GATA4: variants seen among roughly 807,000 people sequenced by gnomAD.
GATA4 encodes transcription factor GATA-4.
In GATA4, 7 loss-of-function variants were observed where a neutral mutation model predicts 37.9. The observed-to-expected ratio is 0.18, with a 90% CI of 0.11 to 0.35. GATA4 has a LOEUF of 0.35. Among genes scored for constraint, GATA4 ranks in the 10% least tolerant of loss-of-function variants. The pLI, the probability that GATA4 is intolerant of heterozygous loss-of-function variation, is 1.00. For missense variants in GATA4, 647 were observed against 653.0 expected (o/e 0.99, Z 0.10); for synonymous variants, 372 against 292.6 (o/e 1.27, Z -2.77).
chr8:11,718,734 T>C (rs1454821391), intron 2 of GATA4, among the ~76,000 whole-genome samples: 1 of 152,240 alleles, frequency 6.6e-6, no homozygotes, highest in Non-Finnish European at 1.5e-5. Flanking sequence ...TCCTTTCTAC[T>C]CCCCAGTTGA....
chr8:11,701,778 A>G (rs1041620111), upstream of GATA4, among the ~76,000 whole-genome samples: 6 of 144,540 alleles, frequency 4.2e-5, no homozygotes, highest in Non-Finnish European at 9.1e-5. Flanking sequence ...GACAGCGAAT[A>G]TTCCTGGGTC....
chr8:11,690,853 A>G (rs1382753156), upstream of GATA4, among the ~76,000 whole-genome samples: 2 of 152,220 alleles, frequency 1.3e-5, no homozygotes, highest in Non-Finnish European at 2.9e-5. Flanking sequence ...CCTGGGTGAA[A>G]GGGAAACACC....
At chr8:11,746,466 A>G (rs1185518970) in intron 2 of GATA4, among the ~76,000 whole-genome samples, 2 of 152,200 alleles carry the variant, frequency 1.3e-5, no homozygotes, top group African/African-American at 4.8e-5. Flanking sequence ...TCCAAGTGCG[A>G]TTCAGGCTAG....
rs1800023854 is a variant in GATA4, at chr8:11,708,813, C to A, written c.501C>A (p.Ala167=). The change falls in exon 2 of 7, where the codon GCC becomes GCA. Residue 167 remains alanine, a synonymous_variant. Coordinates refer to ENST00000532059, the MANE Select transcript of GATA4 (RefSeq NM_001308093.3). The surrounding 1 kb of genome is among the most constrained non-coding windows in gnomAD (Gnocchi z 6.7). ...CCAGCCCCTACCCGGCTTACATGGC[C>A]GACGTGGGCGCGTCCTGGGCCGCAG... is the stretch of plus-strand genomic sequence containing the variant. The part of the protein sequence containing the change: ...SYSSPYPAYM[A]DVGASWAAAA... The A allele has an allele frequency of 6.7e-7, 1 of 1,483,224 alleles. No individual in the cohort carries two copies. The allele number at this position is 1,483,224 out of a possible 1,614,324, so 91.9% of individuals were successfully genotyped here. A position where few individuals can be genotyped will look rare whatever the true frequency, so the allele number is the denominator to read the frequency against.
intron 2 of GATA4, among the ~76,000 whole-genome samples, chr8:11,736,078 A>G (rs1010858656): frequency 6.6e-6 from 1 of 151,786 alleles, no homozygotes; most frequent in African/African-American, 2.4e-5. Context: ...AGCCCAGCTA[A>G]TTATTATTTT....
intron 2 of GATA4, among the ~76,000 whole-genome samples, chr8:11,743,679 G>A (rs1369665046): frequency 3.9e-5 from 6 of 152,228 alleles, no homozygotes; most frequent in Admixed American, 3.3e-4. Context: ...AAGATGGATG[G>A]AGCAGGTCAG....
intron 1 of GATA4, chr8:11,680,930 C>A (rs1349403798): frequency 3.0e-6 from 3 of 985,392 alleles, no homozygotes; most frequent in Non-Finnish European, 3.6e-6. Context: ...GTAGGTGTTT[C>A]ATCAAAATGG....
At chr8:11,756,891 G>C in intron 5 of GATA4, 44 bp from the exon 6 acceptor site, 1 of 1,614,080 alleles carries the variant, frequency 6.2e-7, no homozygotes, top group Non-Finnish European at 8.5e-7. Flanking sequence ...CTGTTCGTTT[G>C]TCCCTGCCGC....
At chr8:11,686,754 C>T (rs1225383683) in intron 1 of GATA4, among the ~76,000 whole-genome samples, 1 of 152,198 alleles carries the variant, frequency 6.6e-6, no homozygotes, top group East Asian at 1.9e-4. Flanking sequence ...AATCCCAGCA[C>T]TTTGGGAGGC....
At chr8:11,736,592 C>A (rs945602240) in intron 2 of GATA4, among the ~76,000 whole-genome samples, 21 of 152,260 alleles carry the variant, frequency 1.4e-4, no homozygotes, top group Non-Finnish European at 2.9e-4. Context: ...TTCGTCAAGA[C>A]CCCGGGGGGT....
At chr8:11,746,109 GTC>G (rs1237552581) in intron 2 of GATA4, among the ~76,000 whole-genome samples, 1 of 152,066 alleles carries the variant, frequency 6.6e-6, no homozygotes, top group Non-Finnish European at 1.5e-5. Context: ...GTGAAACCTT[GTC>G]TCTACAAAAA....
chr8:11,712,581 G>T (rs558203582), intron 2 of GATA4, among the ~76,000 whole-genome samples: 6 of 152,012 alleles, frequency 3.9e-5, no homozygotes, highest in African/African-American at 1.2e-4. Context: ...AAGAGGCCAG[G>T]TGCAGTGGCT....
chr8:11,709,598 G>A lies in GATA4; in HGVS notation c.616+670G>A. Among the ~76,000 whole-genome samples, 1 of 144,672 alleles carries A rather than the reference G, an allele frequency of 6.9e-6. No homozygotes were observed. The highest frequency in any genetic ancestry group is 2.5e-5 in the African/African-American group (1 of 39,556). 94.9% of individuals were successfully genotyped at this position (144,672 alleles called of 152,430 possible). A position where few individuals can be genotyped will look rare whatever the true frequency, so the allele number is the denominator to read the frequency against. On this transcript the variant is annotated intron_variant, in intron 2 of 6. Transcript: ENST00000532059. This position sits in a 1 kb window ranked among gnomAD's most constrained non-coding sequence, Gnocchi z 4.3. ...AGCGGGGGGGGGGGCGCACACGCCC[G>A]GTCAGTGTCCGGGAACATAGGGACC...
At chr8:11,682,056 A>G (rs1164684848) in intron 1 of GATA4, among the ~76,000 whole-genome samples, 1 of 152,248 alleles carries the variant, frequency 6.6e-6, no homozygotes, top group African/African-American at 2.4e-5. Context: ...TAATTTCTGG[A>G]TATTAAACTG....
chr8:11,679,426 C>T (rs1001794341), intron 1 of GATA4, among the ~76,000 whole-genome samples: 1 of 152,218 alleles, frequency 6.6e-6, no homozygotes, highest in African/African-American at 2.4e-5. Context: ...CTGATAAAGC[C>T]CCGAAGCCGA....
intron 1 of GATA4, chr8:11,683,177 G>A (rs1404244043): frequency 4.3e-6 from 4 of 940,488 alleles, no homozygotes; most frequent in Non-Finnish European, 5.1e-6. Flanking sequence ...ATCTAATCTG[G>A]ACAGCAGCAG....
intron 1 of GATA4, among the ~76,000 whole-genome samples, chr8:11,693,273 C>T (rs1302402881): frequency 1.3e-5 from 2 of 152,058 alleles, no homozygotes; most frequent in Non-Finnish European, 2.9e-5. Context: ...AGAGACCAGC[C>T]TGGGCACCAT....
At chr8:11,699,564 G>C (rs530346193), upstream of GATA4, among the ~76,000 whole-genome samples, 1 of 152,328 alleles carries the variant, frequency 6.6e-6, no homozygotes, top group African/African-American at 2.4e-5. Context: ...GGGAGAGAGG[G>C]AGCCAGGTTG....
At chr8:11,688,377 C>G (rs371977865), upstream of GATA4, among the ~76,000 whole-genome samples, 3 of 152,220 alleles carry the variant, frequency 2.0e-5, no homozygotes, top group East Asian at 5.8e-4. Flanking sequence ...TTAATTCATT[C>G]TTTTGAGTAT....
Sources: allele counts gnomAD v4.1 joint callset (sites outside exome capture counted in the v4.1 genomes callset), GRCh38; gene constraint gnomAD v4.1.1; non-coding constraint Gnocchi (gnomAD v3.1); transcripts MANE v1.5; gene names NCBI Gene and HGNC (gene_info 2026-07-23, HGNC 2026-07-21).